Variants in TACR3 observed in about 807,000 individuals in gnomAD.
TACR3 encodes the protein neuromedin-K receptor.
In TACR3, 34 loss-of-function variants were observed where a neutral mutation model predicts 35.0. The observed-to-expected ratio is 0.97, with a 90% confidence interval of 0.74 to 1.30. TACR3 has a LOEUF of 1.30. Among genes scored for constraint, TACR3 ranks in the 50% most tolerant of loss-of-function variants. The pLI, the probability that TACR3 is intolerant of heterozygous loss-of-function variation, is 0.00. For synonymous variants in TACR3, 233 were observed against 221.1 expected, an observed-to-expected ratio of 1.05 and a Z score of -0.48; for missense variants, 558 against 591.7, an observed-to-expected ratio of 0.94 and a Z score of 0.59.
intron 2 of TACR3, among the ~76,000 whole-genome samples, chr4:103,657,708 A>T (rs1725759732): frequency 6.6e-6 from 1 of 152,124 alleles, no homozygotes; most frequent in African/African-American, 2.4e-5. Flanking sequence ...ACCATATATT[A>T]TAGCATTTGT....
At chr4:103,594,499 C>T (rs1426665762) in intron 3 of TACR3, among the ~76,000 whole-genome samples, 1 of 152,032 alleles carries the variant, frequency 6.6e-6, no homozygotes, top group Non-Finnish European at 1.5e-5. Context: ...TTTCATGGGG[C>T]ACATGAAAGC....
intron 1 of TACR3, among the ~76,000 whole-genome samples, chr4:103,681,520 A>G (rs1300907811): frequency 6.6e-6 from 1 of 152,116 alleles, no homozygotes; most frequent in Non-Finnish European, 1.5e-5. Context: ...AAATTACCAG[A>G]GATTCTTTAT....
chr4:103,593,465 A>G (rs1253565035), intron 3 of TACR3: 1 of 148,490 alleles, frequency 6.7e-6, no homozygotes, highest in Non-Finnish European at 1.5e-5. Context: ...AAAATTTAAA[A>G]TAATATTTAT....
intron 1 of TACR3, among the ~76,000 whole-genome samples, chr4:103,666,552 T>C (rs966198479): frequency 4.6e-5 from 7 of 152,180 alleles, no homozygotes; most frequent in African/African-American, 1.7e-4. Context: ...TTAGGTACCA[T>C]ACACTCTAAG....
intron 3 of TACR3, among the ~76,000 whole-genome samples, chr4:103,637,271 A>C (rs1237625641): frequency 6.6e-6 from 1 of 152,198 alleles, no homozygotes; most frequent in Admixed American, 6.6e-5. Context: ...CTGGGATGCA[A>C]GACTGGTTCA....
rs536195634 is a variant in TACR3 at position 103,683,006 on chromosome 4, C to A, written c.549-24603G>T. Among the ~76,000 whole-genome samples, 132 of 152,122 alleles carry A rather than the reference C, an allele frequency of 8.7e-4. 1 individual carries two copies. Among genetic ancestry groups the A allele is most frequent in the African/African-American group, 3.0e-3 (124 of 41,496 alleles). On this transcript the variant is annotated intron_variant, in intron 1 of 4. Coordinates refer to ENST00000304883, the MANE Select transcript of TACR3 (RefSeq NM_001059.3). ...TATGCCACGTTTTATTGGTTAGATG[C>A]AAATCATAGGTCCAGTCTTTACTCA...
chr4:103,651,690 T>A (rs1024000597), intron 3 of TACR3, among the ~76,000 whole-genome samples: 1 of 151,886 alleles, frequency 6.6e-6, no homozygotes, highest in African/African-American at 2.4e-5. Context: ...CAGCTGGGAA[T>A]GTGCTGAGTC....
intron 3 of TACR3, among the ~76,000 whole-genome samples, chr4:103,596,563 A>G (rs1724023805): frequency 6.6e-6 from 1 of 152,086 alleles, no homozygotes; most frequent in Non-Finnish European, 1.5e-5. Context: ...AAAAAACAAA[A>G]CAAAACAAAA....
At chr4:103,685,354 A>G (rs1264281923) in intron 1 of TACR3, among the ~76,000 whole-genome samples, 1 of 152,208 alleles carries the variant, frequency 6.6e-6, no homozygotes, top group Non-Finnish European at 1.5e-5. Flanking sequence ...ACTTAAAAAA[A>G]TTAACTCAAA....
chr4:103,632,436 A>C (rs1006641007), intron 3 of TACR3, among the ~76,000 whole-genome samples: 16 of 152,084 alleles, frequency 1.1e-4, no homozygotes, highest in African/African-American at 3.6e-4. Flanking sequence ...ACACAGGAAC[A>C]GAAAATCAAA....
intron 1 of TACR3, among the ~76,000 whole-genome samples, chr4:103,689,354 A>C (rs1722346061): frequency 6.6e-6 from 1 of 152,042 alleles, no homozygotes; most frequent in South Asian, 2.1e-4. Flanking sequence ...TACATATGTA[A>C]CTAACCTGCA....
intron 1 of TACR3, among the ~76,000 whole-genome samples, chr4:103,676,185 G>A (rs942243829): frequency 6.6e-6 from 1 of 152,078 alleles, no homozygotes; most frequent in Non-Finnish European, 1.5e-5. Flanking sequence ...GCTCACAGGA[G>A]TCAATATAAT....
At position 103,692,087 on chromosome 4, in the gene TACR3, C is replaced by G. The variant is rs59131795; in HGVS notation, c.548+27041G>C. On this transcript the variant is annotated intron_variant, in intron 1 of 4. Coordinates refer to ENST00000304883, the MANE Select transcript of TACR3 (RefSeq NM_001059.3). Reference sequence around the variant, plus strand: ...TCCTGGACCGAGCTGGTCCCAGCATCTGTACATCAATCAAAATAAATTTTA... The same window carrying G: ...TCCTGGACCGAGCTGGTCCCAGCATGTGTACATCAATCAAAATAAATTTTA... 4.3e-3 allele frequency among the ~76,000 whole-genome samples: 653 copies of G among 152,156 alleles called. 3 individuals are homozygous for G. The highest frequency in any genetic ancestry group is 0.015 in the African/African-American group (606 of 41,504).
In TACR3 at chr4:103,623,348, A is replaced by C. The variant is rs3796977; in HGVS notation, c.889-31665T>G. 0.014 allele frequency among the ~76,000 whole-genome samples: 2,138 copies of C among 152,248 alleles called. 124 individuals are homozygous for C. In the East Asian group the frequency reaches 0.2, roughly 14 times the overall value. On this transcript the variant is annotated intron_variant, in intron 3 of 4. Coordinates refer to ENST00000304883, the MANE Select transcript of TACR3 (RefSeq NM_001059.3). ...AAGAGAATCTGATTTATGCTGCTAAATCATGCAAAGATAGACACCCTGGGA... is the reference window on the plus strand; with the variant it reads ...AAGAGAATCTGATTTATGCTGCTAACTCATGCAAAGATAGACACCCTGGGA...
At chr4:103,709,343 G>T (rs1722882899) in intron 1 of TACR3, among the ~76,000 whole-genome samples, 1 of 152,134 alleles carries the variant, frequency 6.6e-6, no homozygotes, top group African/African-American at 2.4e-5. Context: ...GAGAGTGGGG[G>T]CCAATATTCA....
At chr4:103,704,105 CAAAAAAAA>C (rs59034473) in intron 1 of TACR3, among the ~76,000 whole-genome samples, 11 of 64,636 alleles carry the variant, frequency 1.7e-4, no homozygotes, top group South Asian at 1.9e-3. Context: ...CTCTATCTCA[CAAAAAAAA>C]AAAAAAAAAA....
At position 103,690,698 on chromosome 4, in the gene TACR3, A is replaced by G. The variant is rs147532817; in HGVS notation, c.548+28430T>C. ...CATATTCTTGTCAAGGGAATATGGA[A>G]TATTCTCCAGGATAGGCTTGTCTAG... On this transcript the variant is annotated intron_variant, in intron 1 of 4. Transcript: ENST00000304883. Among the ~76,000 whole-genome samples the G allele has an allele frequency of 5.3e-4, 80 of 152,268 alleles. 3 individuals are homozygous for G. In the East Asian group the frequency reaches 0.014, roughly 28 times the overall value.
chr4:103,621,782 C>T (rs1324845034), intron 3 of TACR3, among the ~76,000 whole-genome samples: 1 of 152,170 alleles, frequency 6.6e-6, no homozygotes, highest in East Asian at 1.9e-4. Context: ...GCGTCTACTA[C>T]ACATAGGTTT....
At chr4:103,707,405 C>T (rs558948990) in intron 1 of TACR3, among the ~76,000 whole-genome samples, 1 of 152,176 alleles carries the variant, frequency 6.6e-6, no homozygotes, top group South Asian at 2.1e-4. Flanking sequence ...ACAACCTGGT[C>T]TTGTTTTATA....
Sources: allele counts gnomAD v4.1 joint callset (sites outside exome capture counted in the v4.1 genomes callset), GRCh38; gene constraint gnomAD v4.1.1; transcripts MANE v1.5; gene names NCBI Gene and HGNC (gene_info 2026-07-23, HGNC 2026-07-21).